The following PRKG2 variants were observed in gnomAD, a reference collection of about 807,000 sequenced individuals.
The protein encoded by PRKG2 is protein kinase cGMP-dependent 2.
Under a neutral mutation model 97.2 loss-of-function variants are expected in PRKG2, and 33 were observed. The ratio of observed to expected loss-of-function variants is 0.34; its 90% CI spans 0.26 to 0.45. The LOEUF is 0.45. PRKG2 is among the 20% of genes least tolerant of loss of function. PRKG2 has a pLI of 1.00. For synonymous variants in PRKG2, 330 were observed against 321.8 expected, an observed-to-expected ratio of 1.03 and a Z score of -0.27; for missense variants, 638 against 900.0, an observed-to-expected ratio of 0.71 and a Z score of 3.73.
chr4:81,196,560 A>G lies in PRKG2; in HGVS notation c.461+8027T>C, dbSNP rs145908423. Among the ~76,000 whole-genome samples the G allele has an allele frequency of 8.5e-5, 13 of 152,228 alleles. No individual in the cohort carries two copies. In the South Asian group the frequency reaches 2.3e-3, roughly 27 times the overall value. On this transcript the variant is annotated intron_variant, in intron 2 of 18. Coordinates refer to ENST00000264399, the MANE Select transcript of PRKG2 (RefSeq NM_006259.3). ...GAAGCTCTAGGTCTTTCTTTCTCTC[A>G]TATTTCCCAGAGCTTAATCTGTAAG...
intron 8 of PRKG2, among the ~76,000 whole-genome samples, chr4:81,151,643 T>C (rs1386221546): frequency 6.6e-6 from 1 of 152,112 alleles, no homozygotes; most frequent in African/African-American, 2.4e-5. Context: ...ATTTCAAATG[T>C]TGGGAATATA....
chr4:81,186,306 A>G (rs1456886049), intron 2 of PRKG2, among the ~76,000 whole-genome samples: 2 of 152,188 alleles, frequency 1.3e-5, no homozygotes, highest in African/African-American at 4.8e-5. Context: ...TTAGAACTCA[A>G]GATTAAGAAA....
intron 17 of PRKG2, among the ~76,000 whole-genome samples, chr4:81,098,434 T>C (rs935043160): frequency 6.6e-6 from 1 of 152,206 alleles, no homozygotes; most frequent in African/African-American, 2.4e-5. Context: ...TCAAGAAACT[T>C]TCCTTTGGAT....
At chr4:81,202,348 A>G (rs895913809) in intron 2 of PRKG2, among the ~76,000 whole-genome samples, 1 of 152,358 alleles carries the variant, frequency 6.6e-6, no homozygotes, top group Non-Finnish European at 1.5e-5. Flanking sequence ...ATTTGTGTTT[A>G]GCTAGTTATT....
chr4:81,171,702 G>A lies in PRKG2; in HGVS notation c.731C>T (p.Ala244Val). The part of the protein sequence containing the change: ...LAILYNCTRT[A>V]SVKAITNVKT... The stretch of plus-strand genomic sequence containing the variant: ...TCCTCTTTTATTACCTTTCACAGAG[G>A]CAGTCCTTGTACAATTGTATAAAAT... The change falls in exon 4 of 19, where the codon GCC becomes GTC. Residue 244 changes from alanine (A) to valine (V), a missense_variant. Ala to Val is a moderately conservative substitution (Grantham distance 64). This residue lies in a region of PRKG2 where 332 missense variants were observed against 421.7 expected (regional missense o/e 0.79). Transcript: ENST00000264399. 6.3e-7 allele frequency: 1 copy of A among 1,596,358 alleles called. No homozygotes were observed. Among genetic ancestry groups the A allele is most frequent in the Non-Finnish European group, 8.5e-7 (1 of 1,170,864 alleles).
At chr4:81,137,114 T>C (rs2110030870) in intron 13 of PRKG2, among the ~76,000 whole-genome samples, 1 of 152,184 alleles carries the variant, frequency 6.6e-6, no homozygotes, top group African/African-American at 2.4e-5. Flanking sequence ...ACCTGGGTTT[T>C]TACCCTGACT....
intron 3 of PRKG2, among the ~76,000 whole-genome samples, chr4:81,172,681 T>C (rs896809761): frequency 1.3e-5 from 2 of 152,112 alleles, no homozygotes; most frequent in African/African-American, 4.8e-5. Flanking sequence ...GCAAAAAAGA[T>C]CTAAGTTCTT....
At chr4:81,094,967 G>A (rs1409998425) in intron 17 of PRKG2, among the ~76,000 whole-genome samples, 1 of 152,068 alleles carries the variant, frequency 6.6e-6, no homozygotes, top group Non-Finnish European at 1.5e-5. Context: ...AAGACCACAG[G>A]GGCCAGAATG....
chr4:81,089,574 AT>A lies in PRKG2; in HGVS notation c.*133del, dbSNP rs1188792882. ...ATATCCACACCATTCTCCTCTTCCC[AT>A]TGTGCAGGAATTTCTTTTCCCTAAT... On this transcript the variant is annotated 3_prime_UTR_variant, in exon 19 of 19. Coordinates refer to ENST00000264399, the MANE Select transcript of PRKG2 (RefSeq NM_006259.3). 1.0e-4 allele frequency: 66 copies of A among 631,462 alleles called. No individual in the cohort carries two copies. The highest frequency in any genetic ancestry group is 5.4e-6 in the Non-Finnish European group (2 of 369,992). The allele number at this position is 631,462 out of a possible 1,614,324, so 39.1% of individuals were successfully genotyped here.
intron 10 of PRKG2, among the ~76,000 whole-genome samples, chr4:81,143,217 T>C (rs1482825413): frequency 2.0e-5 from 3 of 152,222 alleles, no homozygotes; most frequent in African/African-American, 7.2e-5. Flanking sequence ...TGGGTATAGT[T>C]TGTGGTACTT....
intron 2 of PRKG2, among the ~76,000 whole-genome samples, chr4:81,193,581 T>G (rs529987622): frequency 1.3e-5 from 2 of 152,274 alleles, no homozygotes; most frequent in East Asian, 3.9e-4. Context: ...GGCTCACACC[T>G]GTAATCCCAG....
intron 14 of PRKG2, among the ~76,000 whole-genome samples, chr4:81,122,279 C>T (rs1318228242): frequency 6.6e-6 from 1 of 152,114 alleles, no homozygotes; most frequent in Non-Finnish European, 1.5e-5. Context: ...GGTTCTTAAC[C>T]TTCATCAGCT....
Position 81,170,011 on chromosome 4 carries a change from TAC to T in PRKG2, c.743-245_743-244del, listed in dbSNP as rs539277212. 2.6e-5 allele frequency among the ~76,000 whole-genome samples: 4 copies of T among 152,116 alleles called. No individual in the cohort carries two copies. In the South Asian group the frequency reaches 6.2e-4, roughly 24 times the overall value. On this transcript the variant is annotated intron_variant, in intron 4 of 18. Transcript: ENST00000264399. ...CAAAAAATTTCCTTTCTAATTATGTTACAGTTAGGATGATATTCAAATTAGTT... is the reference window on the plus strand; with the variant it reads ...CAAAAAATTTCCTTTCTAATTATGTTAGTTAGGATGATATTCAAATTAGTT...
At chr4:81,089,830 G>C in intron 18 of PRKG2, 27 bp from the exon 19 acceptor site, 1 of 1,541,348 alleles carries the variant, frequency 6.5e-7, no homozygotes. Flanking sequence ...TAAAACAAAA[G>C]GAAGAATAAT....
At chr4:81,098,962 A>G (rs1191867399) in intron 17 of PRKG2, among the ~76,000 whole-genome samples, 2 of 152,200 alleles carry the variant, frequency 1.3e-5, no homozygotes, top group East Asian at 3.8e-4. Context: ...AAAAAATAAA[A>G]TATCTGCAAG....
At chr4:81,145,610 T>G (rs964471377) in intron 9 of PRKG2, among the ~76,000 whole-genome samples, 1 of 152,160 alleles carries the variant, frequency 6.6e-6, no homozygotes, top group Non-Finnish European at 1.5e-5. Flanking sequence ...CATAGTCCTA[T>G]GCCCTTGAGA....
At chr4:81,207,115 ATACTTG>A (rs1306982266) in intron 1 of PRKG2, among the ~76,000 whole-genome samples, 1 of 152,230 alleles carries the variant, frequency 6.6e-6, no homozygotes, top group East Asian at 1.9e-4. Flanking sequence ...AGCCCTGGAC[ATACTTG>A]TACCTTGAAT....
At chr4:81,142,695 G>T in intron 11 of PRKG2, 99 bp downstream of exon 11, 1 of 1,320,938 alleles carries the variant, frequency 7.6e-7, no homozygotes, top group Non-Finnish European at 1.0e-6. Context: ...ATTTAAGATA[G>T]CAGTAACAAT....
At chr4:81,123,604 C>T (rs1560556426) in intron 14 of PRKG2, among the ~76,000 whole-genome samples, 2 of 152,126 alleles carry the variant, frequency 1.3e-5, no homozygotes, top group Non-Finnish European at 2.9e-5. Context: ...TGGGGTTTCA[C>T]CATGTTAGAC....
Sources: gnomAD v4.1 joint callset for allele counts (sites outside exome capture counted in the v4.1 genomes callset) on GRCh38, gnomAD v4.1.1 for gene constraint, gnomAD v4.1.1 regional missense constraint, MANE v1.5 for transcripts, NCBI Gene and HGNC (gene_info 2026-07-23, HGNC 2026-07-21) for gene names.